The following DCDC1 variants were observed in gnomAD, a reference collection of about 807,000 sequenced individuals.
The protein encoded by DCDC1 is doublecortin domain containing 1.
A neutral mutation model predicts 178.3 loss-of-function variants in DCDC1; 200 were observed. That is an observed-to-expected ratio of 1.12 (90% CI 1.00 to 1.26). The LOEUF is 1.26. DCDC1 is among the 50% of genes most tolerant of loss of function. The probability of loss-of-function intolerance (pLI) is 0.00; values close to 1 mark genes in which losing one functional copy is unlikely to be tolerated. For synonymous variants in DCDC1, 690 were observed against 604.8 expected (o/e 1.14, Z -2.07); for missense variants, 1,983 against 1,749.2 (o/e 1.13, Z -2.38).
At chr11:30,894,144 T>A (rs1260209242) in intron 35 of DCDC1, 104 bp downstream of exon 35, 1 of 1,440,214 alleles carries the variant, frequency 6.9e-7, no homozygotes, top group Non-Finnish European at 9.2e-7. Context: ...ACTGATCAGA[T>A]GCTGAGAATA....
chr11:31,072,794 C>T (rs1476813209), intron 18 of DCDC1, among the ~76,000 whole-genome samples: 2 of 151,978 alleles, frequency 1.3e-5, no homozygotes, highest in Non-Finnish European at 2.9e-5. Flanking sequence ...TTATTAGCTA[C>T]AAATTATCAA....
chr11:31,226,694 C>T (rs1207171892), intron 9 of DCDC1, among the ~76,000 whole-genome samples: 1 of 138,190 alleles, frequency 7.2e-6, no homozygotes, highest in Non-Finnish European at 1.5e-5. Context: ...CTCAAAAAAG[C>T]AAGATCTCAT....
At chr11:31,333,240 T>G (rs1950095379) in intron 2 of DCDC1, among the ~76,000 whole-genome samples, 1 of 152,158 alleles carries the variant, frequency 6.6e-6, no homozygotes, top group Non-Finnish European at 1.5e-5. Flanking sequence ...GCTTGGTAGA[T>G]CTCCCTTCAT....
chr11:31,025,297 G>C (rs991067256), intron 20 of DCDC1, among the ~76,000 whole-genome samples: 2 of 151,728 alleles, frequency 1.3e-5, no homozygotes, highest in African/African-American at 4.8e-5. Context: ...CTGAGAAAAA[G>C]AGAGTAGAAC....
At chr11:31,121,264 C>T (rs563761805) in intron 11 of DCDC1, among the ~76,000 whole-genome samples, 15 of 151,660 alleles carry the variant, frequency 9.9e-5, no homozygotes, top group African/African-American at 3.4e-4. Flanking sequence ...ATGAAAATGA[C>T]GTGAAAGGTG....
At chr11:31,103,580 A>G in intron 14 of DCDC1, 64 bp downstream of exon 14, 1 of 667,206 alleles carries the variant, frequency 1.5e-6, no homozygotes, top group Admixed American at 2.5e-5. Context: ...ACTCTGAAAA[A>G]TCCTGAATTA....
rs559502224 is a variant in DCDC1 at position 31,293,593 on chromosome 11, G to T, written c.755-2741C>A. On this transcript the variant is annotated intron_variant, in intron 6 of 38. Transcript: ENST00000684477. ...TCACCCAACTGTAGTCCCAGCCCTG[G>T]CTGAAACTGTCTCTTTCACATGCAG... Among the ~76,000 whole-genome samples, 25 of 151,954 alleles carry T rather than the reference G, an allele frequency of 1.6e-4. 1 individual carries two copies. Among genetic ancestry groups the T allele is most frequent in the African/African-American group, 5.6e-4 (23 of 41,252 alleles).
chr11:31,030,598 G>A (rs977474798), intron 20 of DCDC1, among the ~76,000 whole-genome samples: 3 of 152,092 alleles, frequency 2.0e-5, no homozygotes, highest in African/African-American at 7.2e-5. Flanking sequence ...TCCCTTTGCC[G>A]AAGCAAGACA....
intron 12 of DCDC1, among the ~76,000 whole-genome samples, chr11:31,108,186 C>T (rs1367175955): frequency 6.6e-6 from 1 of 152,166 alleles, no homozygotes; most frequent in East Asian, 1.9e-4. Context: ...GTAATAGTAT[C>T]TCCAACTTAG....
intron 1 of DCDC1, among the ~76,000 whole-genome samples, chr11:31,365,803 C>A (rs549460423): frequency 1.3e-5 from 2 of 152,238 alleles, no homozygotes; most frequent in South Asian, 2.1e-4. Flanking sequence ...ATGCTGATGA[C>A]GCAAACTAAA....
At chr11:31,115,610 G>A (rs1959779271) in intron 11 of DCDC1, among the ~76,000 whole-genome samples, 1 of 152,138 alleles carries the variant, frequency 6.6e-6, no homozygotes, top group African/African-American at 2.4e-5. Flanking sequence ...TATTTCAGGT[G>A]AACATAATTA....
chr11:30,932,907 T>C (rs1181274935), intron 21 of DCDC1, among the ~76,000 whole-genome samples: 5 of 152,040 alleles, frequency 3.3e-5, no homozygotes, highest in African/African-American at 1.2e-4. Flanking sequence ...TTCACAGAGA[T>C]AGACACTTGT....
chr11:31,208,866 C>G (rs1037520940), intron 9 of DCDC1, among the ~76,000 whole-genome samples: 1 of 152,154 alleles, frequency 6.6e-6, no homozygotes, highest in African/African-American at 2.4e-5. Flanking sequence ...CAACAAAAAC[C>G]AAACCACTAG....
At chr11:31,100,775 C>T (rs757162066) in intron 15 of DCDC1, among the ~76,000 whole-genome samples, 6 of 152,038 alleles carry the variant, frequency 3.9e-5, no homozygotes, top group Non-Finnish European at 7.4e-5. Context: ...GACGAAAATT[C>T]GGAACTTCAA....
chr11:31,315,579 G>A (rs544428420), intron 3 of DCDC1, among the ~76,000 whole-genome samples: 3 of 148,460 alleles, frequency 2.0e-5, no homozygotes, highest in South Asian at 2.1e-4. Flanking sequence ...CTTGTGATCC[G>A]CCCACCTGGG....
At chr11:31,241,108 C>T (rs912063856) in intron 9 of DCDC1, among the ~76,000 whole-genome samples, 1 of 151,928 alleles carries the variant, frequency 6.6e-6, no homozygotes, top group African/African-American at 2.4e-5. Context: ...AAATAGAATG[C>T]TAAACATTTC....
intron 28 of DCDC1, 99 bp downstream of exon 28, chr11:30,911,228 T>G: frequency 1.1e-6 from 1 of 929,612 alleles, no homozygotes; most frequent in Non-Finnish European, 1.6e-6. Flanking sequence ...AATAGGATTC[T>G]ATGACAGTTT....
chr11:30,980,214 A>T (rs1282377339), intron 20 of DCDC1, among the ~76,000 whole-genome samples: 2 of 152,188 alleles, frequency 1.3e-5, no homozygotes, highest in African/African-American at 4.8e-5. Flanking sequence ...ACATTTTGTA[A>T]AATGCAGAAC....
intron 9 of DCDC1, among the ~76,000 whole-genome samples, chr11:31,170,728 C>T (rs761476395): frequency 2.0e-4 from 30 of 152,174 alleles, no homozygotes; most frequent in Non-Finnish European, 3.5e-4. Context: ...TGTCTGTTGC[C>T]TACTATAGGT....
Sources: gnomAD v4.1 joint callset for allele counts (sites outside exome capture counted in the v4.1 genomes callset) on GRCh38, gnomAD v4.1.1 for gene constraint, MANE v1.5 for transcripts, NCBI Gene and HGNC (gene_info 2026-07-23, HGNC 2026-07-21) for gene names.